Variants in ROCK2 observed in about 807,000 individuals in gnomAD.
ROCK2 encodes rho-associated protein kinase 2.
In ROCK2, 61 loss-of-function variants were observed where a neutral mutation model predicts 195.1. The observed-to-expected ratio is 0.31, with a 90% CI of 0.25 to 0.39. The LOEUF is 0.39. Among genes scored for constraint, ROCK2 ranks in the 10% least tolerant of loss-of-function variants. The pLI is 1.00. For synonymous variants in ROCK2, 504 were observed against 545.5 expected, an observed-to-expected ratio of 0.92 and a Z score of 1.06; for missense variants, 1,109 against 1,637.4, an observed-to-expected ratio of 0.68 and a Z score of 5.57.
In ROCK2 at chr2:11,308,623, A is replaced by C. The variant is rs553116987; in HGVS notation, c.142-20887T>G. Reference sequence around the variant, plus strand: ...TAAAGGATCTGAATGGCATAGACTTAACTCCTGTGCAAGATACTCCTGTGG... The same window carrying C: ...TAAAGGATCTGAATGGCATAGACTTCACTCCTGTGCAAGATACTCCTGTGG... On this transcript the variant is annotated intron_variant, in intron 1 of 32. Transcript: ENST00000315872. 7 of 1,458,266 alleles carry C rather than the reference A, an allele frequency of 4.8e-6. No individual in the cohort carries two copies. In the South Asian group the frequency reaches 5.7e-5, roughly 12 times the overall value. The allele number at this position is 1,458,266 out of a possible 1,614,324, so 90.3% of individuals were successfully genotyped here.
Position 11,216,015 on chromosome 2 carries a change from C to T in ROCK2, c.1461+143G>A, listed in dbSNP as rs536044473. The T allele has an allele frequency of 9.5e-5, 63 of 664,866 alleles. No homozygotes were observed. The Middle Eastern group carries it at 1.3e-3, about 14-fold the overall frequency. 41.2% of individuals were successfully genotyped at this position (664,866 alleles called of 1,614,324 possible). ...GAAGCCTATTTATAACATGATTTCCCTATAATTTAGTCCTATCCACCAATA... is the reference window on the plus strand; with the variant it reads ...GAAGCCTATTTATAACATGATTTCCTTATAATTTAGTCCTATCCACCAATA... On this transcript the variant is annotated intron_variant, in intron 13 of 32. Coordinates refer to ENST00000315872, the MANE Select transcript of ROCK2 (RefSeq NM_004850.5).
Position 11,182,818 on chromosome 2 carries a change from A to G in ROCK2, c.*619T>C, listed in dbSNP as rs1306982975. On this transcript the variant is annotated 3_prime_UTR_variant, in exon 33 of 33. Coordinates refer to ENST00000315872, the MANE Select transcript of ROCK2 (RefSeq NM_004850.5). Reference sequence around the variant, plus strand: ...TGCAACTTCCATCAGGTACACAGGAATGAGTGATATAAACTCCAACATTAT... The same window carrying G: ...TGCAACTTCCATCAGGTACACAGGAGTGAGTGATATAAACTCCAACATTAT... The G allele has an allele frequency of 6.6e-6, 1 of 152,612 alleles. No individual in the cohort carries two copies. The highest frequency in any genetic ancestry group is 1.9e-4 in the East Asian group (1 of 5,198). The allele number at this position is 152,612 out of a possible 1,614,324, so 9.5% of individuals were successfully genotyped here.
chr2:11,298,075 T>C (rs1375658690), intron 1 of ROCK2, among the ~76,000 whole-genome samples: 1 of 152,182 alleles, frequency 6.6e-6, no homozygotes, highest in Non-Finnish European at 1.5e-5. Context: ...TTTATCAAGC[T>C]GTATACATAC....
At chr2:11,337,403 C>T (rs1336434587) in intron 1 of ROCK2, among the ~76,000 whole-genome samples, 1 of 151,870 alleles carries the variant, frequency 6.6e-6, no homozygotes, top group Non-Finnish European at 1.5e-5. Flanking sequence ...TTTTAATGGG[C>T]AAAAATGGAG....
intron 4 of ROCK2, among the ~76,000 whole-genome samples, chr2:11,236,917 G>A (rs146065021): frequency 5.9e-5 from 9 of 152,272 alleles, no homozygotes; most frequent in African/African-American, 1.2e-4. Flanking sequence ...TTGGGAGGCC[G>A]AGGCAAGTGG....
chr2:11,339,543 A>AC (rs1491277839), intron 1 of ROCK2, among the ~76,000 whole-genome samples: 57 of 34,254 alleles, frequency 1.7e-3, no homozygotes, highest in African/African-American at 2.2e-3. Context: ...AAAAAAAAAC[A>AC]AAAAAAAAAG....
Position 11,207,711 on chromosome 2 carries a change from A to T in ROCK2, c.2549+15T>A. 1 of 1,585,662 alleles carries T rather than the reference A, an allele frequency of 6.3e-7. No individual in the cohort carries two copies. Among genetic ancestry groups the T allele is most frequent in the Non-Finnish European group, 8.6e-7 (1 of 1,162,090 alleles). On this transcript the variant is annotated intron_variant, in intron 20 of 32. Coordinates refer to ENST00000315872, the MANE Select transcript of ROCK2 (RefSeq NM_004850.5). ...ATAATTATGCATATTAAAACATCTC[A>T]ATCAATTAACTTACTTTCGAAGTTC...
chr2:11,213,801 A>G (rs17463896), intron 17 of ROCK2, among the ~76,000 whole-genome samples: 58,161 of 151,286 alleles, frequency 0.38, 13,034 homozygotes, highest in Admixed American at 0.51. Context: ...TATTTGCCAT[A>G]CTGTCATTAG....
chr2:11,217,466 G>C, intron 11 of ROCK2: 1 of 417,474 alleles, frequency 2.4e-6, no homozygotes. Flanking sequence ...TCATTATAAA[G>C]AATACCACCT....
At chr2:11,236,210 CA>C (rs1665198421) in intron 4 of ROCK2, among the ~76,000 whole-genome samples, 1 of 151,592 alleles carries the variant, frequency 6.6e-6, no homozygotes, top group Non-Finnish European at 1.5e-5. Context: ...GAACACAATA[CA>C]AAAGAAACTA....
At position 11,344,598 on chromosome 2, in the gene ROCK2, C is replaced by G; in HGVS notation, c.-462G>C. ...GCCGGCCGCCTTGCAGTCCCTCAGC[C>G]AGCTCCCGGCGCACACACTCCCGCG... On this transcript the variant is annotated 5_prime_UTR_variant, in exon 1 of 33. Coordinates refer to ENST00000315872, the MANE Select transcript of ROCK2 (RefSeq NM_004850.5). The surrounding 1 kb of genome is among the most constrained non-coding windows in gnomAD (Gnocchi z 5.4). The G allele has an allele frequency of 8.1e-6, 4 of 491,880 alleles. No individual in the cohort carries two copies. Among genetic ancestry groups the G allele is most frequent in the Non-Finnish European group, 1.1e-5 (4 of 380,846 alleles). 30.5% of individuals were successfully genotyped at this position (491,880 alleles called of 1,614,324 possible).
intron 3 of ROCK2, among the ~76,000 whole-genome samples, chr2:11,263,672 C>CACA (rs1553308491): frequency 1.4e-5 from 2 of 145,232 alleles, no homozygotes; most frequent in African/African-American, 2.5e-5. Context: ...CACACACACA[C>CACA]AAAAAAAAAC....
At chr2:11,294,105 C>T (rs1353123779) in intron 1 of ROCK2, among the ~76,000 whole-genome samples, 2 of 151,374 alleles carry the variant, frequency 1.3e-5, no homozygotes, top group African/African-American at 2.4e-5. Context: ...TGCAGTGAGC[C>T]GAGATCGTGC....
intron 4 of ROCK2, among the ~76,000 whole-genome samples, chr2:11,236,341 T>C (rs900529947): frequency 4.6e-5 from 7 of 152,036 alleles, no homozygotes; most frequent in Non-Finnish European, 1.0e-4. Flanking sequence ...CTACTGCACC[T>C]AACTCACACA....
At chr2:11,271,904 C>T (rs1469701245) in intron 3 of ROCK2, among the ~76,000 whole-genome samples, 1 of 151,794 alleles carries the variant, frequency 6.6e-6, no homozygotes, top group East Asian at 1.9e-4. Flanking sequence ...CCTGTAGTCC[C>T]AGCTACTCGG....
chr2:11,299,071 A>C (rs1667626589), intron 1 of ROCK2, among the ~76,000 whole-genome samples: 1 of 152,016 alleles, frequency 6.6e-6, no homozygotes, highest in African/African-American at 2.4e-5. Context: ...GTTTGAGGCC[A>C]GCCTGACCAA....
intron 4 of ROCK2, among the ~76,000 whole-genome samples, chr2:11,238,314 C>T (rs1665299765): frequency 6.6e-6 from 1 of 150,914 alleles, no homozygotes; most frequent in Non-Finnish European, 1.5e-5. Flanking sequence ...GAGACCACCT[C>T]ATGTACACGG....
rs904752539 is a variant in ROCK2, at chr2:11,197,427, T to C, written c.3280-79A>G. On this transcript the variant is annotated intron_variant, in intron 26 of 32. Coordinates refer to ENST00000315872, the MANE Select transcript of ROCK2 (RefSeq NM_004850.5). This position sits in a 1 kb window ranked among gnomAD's most constrained non-coding sequence, Gnocchi z 4.9. ...TTGCTTCTTGGTTCAATAATAATTA[T>C]TAAATAGAAATGGTCTATAACCAGT... 3.8e-5 allele frequency: 58 copies of C among 1,529,912 alleles called. 1 individual carries two copies. The South Asian group carries it at 4.2e-4, about 11-fold the overall frequency. 94.8% of individuals were successfully genotyped at this position (1,529,912 alleles called of 1,614,324 possible).
chr2:11,246,017 C>G (rs1487067511), intron 4 of ROCK2, among the ~76,000 whole-genome samples: 1 of 152,130 alleles, frequency 6.6e-6, no homozygotes, highest in Non-Finnish European at 1.5e-5. Context: ...ATTCCAGTCA[C>G]TATAACCAAG....
Sources: allele counts gnomAD v4.1 joint callset (sites outside exome capture counted in the v4.1 genomes callset), GRCh38; gene constraint gnomAD v4.1.1; non-coding constraint Gnocchi (gnomAD v3.1); transcripts MANE v1.5; gene names NCBI Gene and HGNC (gene_info 2026-07-23, HGNC 2026-07-21).